AUTS2: variants seen among roughly 807,000 people sequenced by gnomAD.
The protein encoded by AUTS2 is autism susceptibility gene 2 protein.
AUTS2 carries 17 observed loss-of-function variants against 112.4 expected under a neutral mutation model. The observed-to-expected ratio is 0.15, with a 90% CI of 0.10 to 0.23. AUTS2 has a LOEUF of 0.23. Ranked by LOEUF, AUTS2 falls within the 10% of genes least tolerant of loss-of-function variation. The pLI is 1.00. For synonymous variants in AUTS2, 751 were observed against 702.7 expected (o/e 1.07, Z -1.09); for missense variants, 1,510 against 1,701.6 (o/e 0.89, Z 1.98).
chr7:70,464,452 A>T (rs781215416), intron 5 of AUTS2, among the ~76,000 whole-genome samples: 1 of 152,214 alleles, frequency 6.6e-6, no homozygotes. Context: ...AAGTTTTTTA[A>T]TCTTTGCAAC....
chr7:69,970,184 T>A (rs1797792004), intron 2 of AUTS2, among the ~76,000 whole-genome samples: 2 of 152,208 alleles, frequency 1.3e-5, no homozygotes. Context: ...TATCTTTCTT[T>A]CTAAAAGAGT....
chr7:70,108,142 A>C (rs1359783302), intron 2 of AUTS2, among the ~76,000 whole-genome samples: 1 of 152,118 alleles, frequency 6.6e-6, no homozygotes, highest in Non-Finnish European at 1.5e-5. Context: ...TAAGATAGCT[A>C]TGGACAGTGT....
intron 1 of AUTS2, among the ~76,000 whole-genome samples, chr7:69,813,149 G>C (rs924647902): frequency 6.6e-6 from 1 of 152,052 alleles, no homozygotes; most frequent in Non-Finnish European, 1.5e-5. Context: ...CCTTCAGCTT[G>C]CTTGCTGTTC....
chr7:70,328,166 A>G (rs755310020), intron 4 of AUTS2, among the ~76,000 whole-genome samples: 1 of 152,198 alleles, frequency 6.6e-6, no homozygotes, highest in Non-Finnish European at 1.5e-5. Flanking sequence ...ACTCCAGAGA[A>G]CCAAATGCCT....
At chr7:69,785,421 C>T (rs1789325203) in intron 1 of AUTS2, among the ~76,000 whole-genome samples, 1 of 152,272 alleles carries the variant, frequency 6.6e-6, no homozygotes. Context: ...CTCCCTCTCA[C>T]TCAAAGTAGA....
intron 5 of AUTS2, among the ~76,000 whole-genome samples, chr7:70,530,726 G>T (rs911184787): frequency 1.3e-5 from 2 of 152,038 alleles, no homozygotes; most frequent in African/African-American, 4.8e-5. Flanking sequence ...GTCAGGGGAG[G>T]GGGGATGTTT....
chr7:70,050,477 C>T (rs867108550), intron 2 of AUTS2, among the ~76,000 whole-genome samples: 2 of 151,184 alleles, frequency 1.3e-5, no homozygotes, highest in Non-Finnish European at 2.9e-5. Flanking sequence ...TGGGTGGTGA[C>T]GTGAAGGTGA....
intron 1 of AUTS2, among the ~76,000 whole-genome samples, chr7:69,638,226 A>G (rs959398140): frequency 2.0e-5 from 3 of 152,204 alleles, no homozygotes; most frequent in African/African-American, 7.2e-5. Flanking sequence ...TTTGCTGCCC[A>G]GGCTGGTCTC....
At chr7:69,679,855 T>TTA (rs1423489531) in intron 1 of AUTS2, among the ~76,000 whole-genome samples, 1 of 152,232 alleles carries the variant, frequency 6.6e-6, no homozygotes, top group Non-Finnish European at 1.5e-5. Context: ...GAGTGTTGCC[T>TTA]TACTTGGTTG....
chr7:70,504,965 G>C (rs1249844690), intron 5 of AUTS2, among the ~76,000 whole-genome samples: 2 of 152,182 alleles, frequency 1.3e-5, no homozygotes, highest in Non-Finnish European at 2.9e-5. Flanking sequence ...AAAAAAGTAT[G>C]ATTAGTTGTA....
chr7:69,815,121 C>A (rs1414985050), intron 1 of AUTS2, among the ~76,000 whole-genome samples: 3 of 152,084 alleles, frequency 2.0e-5, no homozygotes, highest in Non-Finnish European at 4.4e-5. Context: ...AAATAGTAGC[C>A]CAAACTGTGA....
intron 5 of AUTS2, among the ~76,000 whole-genome samples, chr7:70,600,467 G>T (rs906903439): frequency 2.0e-5 from 3 of 152,096 alleles, no homozygotes; most frequent in African/African-American, 7.2e-5. Flanking sequence ...GTAGAGACGG[G>T]GTTTTGCCAT....
chr7:70,095,767 TAAAGA>T (rs1337062021), intron 2 of AUTS2, among the ~76,000 whole-genome samples: 1 of 152,194 alleles, frequency 6.6e-6, no homozygotes. Context: ...TGATAGAGTC[TAAAGA>T]AAAGCGTCTT....
chr7:70,187,254 A>G (rs1809651492), intron 4 of AUTS2, among the ~76,000 whole-genome samples: 1 of 152,210 alleles, frequency 6.6e-6, no homozygotes, highest in South Asian at 2.1e-4. Flanking sequence ...ATTTGTTGTA[A>G]GAATATTTAT....
intron 2 of AUTS2, among the ~76,000 whole-genome samples, chr7:69,940,911 T>A (rs6950242): frequency 2.6e-5 from 4 of 151,938 alleles, no homozygotes. Flanking sequence ...CAGAAGAAGG[T>A]TACAATGTAA....
intron 2 of AUTS2, among the ~76,000 whole-genome samples, chr7:69,977,514 A>G (rs1270312655): frequency 2.0e-5 from 3 of 152,222 alleles, no homozygotes; most frequent in African/African-American, 2.4e-5. Flanking sequence ...TTTATGGATC[A>G]TTTGTGGTAC....
intron 5 of AUTS2, among the ~76,000 whole-genome samples, chr7:70,577,590 G>A (rs898254071): frequency 6.6e-6 from 1 of 152,206 alleles, no homozygotes; most frequent in Non-Finnish European, 1.5e-5. Context: ...ACATTGGCTT[G>A]TCTGAGATTA....
chr7:70,536,572 CTTTTTTTTTTTTTT>C (rs34639179), intron 5 of AUTS2, among the ~76,000 whole-genome samples: 2 of 49,048 alleles, frequency 4.1e-5, no homozygotes, highest in African/African-American at 1.7e-4. Flanking sequence ...GAAGCCAAGG[CTTTTTTTTTTTTTT>C]TTTTTTTTTT....
chr7:69,764,574 G>A (rs1788338082), intron 1 of AUTS2, among the ~76,000 whole-genome samples: 1 of 151,988 alleles, frequency 6.6e-6, no homozygotes, highest in African/African-American at 2.4e-5. Context: ...AAAAAAAAGT[G>A]ATGTGTGTAT....
Sources: gnomAD v4.1 joint callset for allele counts (sites outside exome capture counted in the v4.1 genomes callset) on GRCh38, gnomAD v4.1.1 for gene constraint, MANE v1.5 for transcripts, NCBI Gene and HGNC (gene_info 2026-07-23, HGNC 2026-07-21) for gene names.